UXT: variants seen among roughly 807,000 people sequenced by gnomAD.
UXT encodes ubiquitously expressed prefoldin like chaperone.
For synonymous variants in UXT, 54 were observed against 52.8 expected, an observed-to-expected ratio of 1.02 and a Z score of -0.10; for missense variants, 111 against 132.7, an observed-to-expected ratio of 0.84 and a Z score of 0.80.
intron 4 of UXT, chrX:47,654,124 G>C (rs1198201365): frequency 4.0e-6 from 3 of 743,011 alleles, no homozygotes; most frequent in Non-Finnish European, 3.2e-6. Flanking sequence ...GTTTATTACT[G>C]CTGATTTATT....
rs1427817157 is a variant in UXT, at chrX:47,657,400, AT to A, written c.285-111del. 3.7e-6 allele frequency: 3 copies of A among 817,523 alleles called. No homozygotes were observed. In the Admixed American group the frequency reaches 8.9e-5, roughly 24 times the overall value. The allele number at this position is 817,523 out of a possible 1,213,427, so 67.4% of individuals were successfully genotyped here. A position where few individuals can be genotyped will look rare whatever the true frequency, so the allele number is the denominator to read the frequency against. On this transcript the variant is annotated intron_variant, in intron 3 of 5. Transcript: ENST00000335890. ...AAATTGAGGCTCTGGGAAGGCAGGG[AT>A]TTTGTCCTATTTTATTCACTGTCAC...
In UXT at chrX:47,658,872, C is replaced by T. The variant is rs750539582; in HGVS notation, c.92G>A (p.Arg31His). The stretch of plus-strand genomic sequence containing the variant: ...CACGTCACTGATGAAGGTCTCGTAG[C>T]GCAGCACTTTCTCCCCCGTGGCCTC... The change falls in exon 1 of 6, where the codon CGC becomes CAC. Residue 31 changes from arginine (R) to histidine (H), a missense_variant. Arg to His is a conservative substitution (Grantham distance 29). Transcript: ENST00000335890. The T allele has an allele frequency of 6.8e-6, 8 of 1,168,069 alleles. No homozygotes were observed. In the East Asian group the frequency reaches 2.4e-4, roughly 35 times the overall value.
chrX:47,652,182 A>T, intron 4 of UXT, 38 bp from the exon 6 acceptor site: 1 of 1,126,829 alleles, frequency 8.9e-7, no homozygotes, highest in Non-Finnish European at 1.2e-6. Flanking sequence ...AATGGGCCCC[A>T]CATGATTATG....
At chrX:47,657,011 G>T in intron 4 of UXT, 172 bp downstream of exon 5, 1 of 432,314 alleles carries the variant, frequency 2.3e-6, no homozygotes, top group Non-Finnish European at 4.0e-6. Flanking sequence ...ATCATTTTTT[G>T]AGTGCTTATT....
At chrX:47,656,450 G>A (rs1300684663) in intron 4 of UXT, among the ~76,000 whole-genome samples, 1 of 112,114 alleles carries the variant, frequency 8.9e-6, no homozygotes, top group Non-Finnish European at 1.9e-5. Context: ...TCTAATTGGA[G>A]GAGACAACAT....
In UXT at chrX:47,659,121, C is replaced by T. The variant is rs1193531612; in HGVS notation, c.-158G>A. 12 of 820,867 alleles carry T rather than the reference C, an allele frequency of 1.5e-5. No individual in the cohort carries two copies. The South Asian group carries it at 2.6e-4, about 18-fold the overall frequency. The allele number at this position is 820,867 out of a possible 1,213,427, so 67.6% of individuals were successfully genotyped here. Reference sequence around the variant, plus strand: ...ACCCAAGCGCGGCCTTTACCTCAGGCCGCCAGCAATAAGAACGGTTGGTAG... The same window carrying T: ...ACCCAAGCGCGGCCTTTACCTCAGGTCGCCAGCAATAAGAACGGTTGGTAG... On this transcript the variant is annotated 5_prime_UTR_variant, in exon 1 of 6. Coordinates refer to ENST00000335890, the MANE Select transcript of UXT (RefSeq NM_153477.3).
At chrX:47,656,953 C>A (rs1013405789) in intron 4 of UXT, among the ~76,000 whole-genome samples, 2 of 112,147 alleles carry the variant, frequency 1.8e-5, no homozygotes. Flanking sequence ...CAGTGCCTGG[C>A]ATACAGAAGA....
At chrX:47,656,994 T>C (rs2058085655) in intron 4 of UXT, 189 bp downstream of exon 5, 4 of 429,820 alleles carry the variant, frequency 9.3e-6, no homozygotes, top group African/African-American at 2.5e-5. Flanking sequence ...GAATGAACAA[T>C]ACAAAGATCA....
chrX:47,653,836 C>T (rs749276033), intron 4 of UXT, among the ~76,000 whole-genome samples: 2 of 111,746 alleles, frequency 1.8e-5, no homozygotes, highest in South Asian at 7.4e-4. Flanking sequence ...TAAAAGGAAC[C>T]TGAGGTTGGC....
chrX:47,651,983 T>G, intron 5 of UXT, 88 bp from the exon 7 acceptor site: 1 of 1,176,714 alleles, frequency 8.5e-7, no homozygotes, highest in African/African-American at 1.7e-5. Context: ...TTGACTCCAG[T>G]TTAGAGGGAA....
intron 2 of UXT, 29 bp from the exon 4 acceptor site, chrX:47,657,668 G>T: frequency 8.3e-7 from 1 of 1,199,065 alleles, no homozygotes; most frequent in Non-Finnish European, 1.1e-6. Context: ...AGAGGTAGGG[G>T]TCAGTGGTGA....
chrX:47,655,771 A>T (rs1312073205), intron 4 of UXT, among the ~76,000 whole-genome samples: 1 of 111,400 alleles, frequency 9.0e-6, no homozygotes, highest in African/African-American at 3.3e-5. Context: ...TTCCTCTGGG[A>T]GGCCTTCCCT....
intron 4 of UXT, 36 bp from the exon 6 acceptor site, chrX:47,652,180 C>T (rs2058069587): frequency 8.8e-7 from 1 of 1,134,913 alleles, no homozygotes; most frequent in East Asian, 3.1e-5. Context: ...AAAATGGGCC[C>T]CACATGATTA....
At chrX:47,657,746 T>C in intron 2 of UXT, 36 bp downstream of exon 3, 1 of 1,188,864 alleles carries the variant, frequency 8.4e-7, no homozygotes, top group Non-Finnish European at 1.1e-6. Context: ...TGCCCACACA[T>C]ACCAAAAAAA....
intron 4 of UXT, among the ~76,000 whole-genome samples, chrX:47,653,447 C>A (rs186918376): frequency 9.0e-6 from 1 of 111,334 alleles, no homozygotes; most frequent in East Asian, 2.8e-4. Context: ...AAATTCCTGA[C>A]CTTCCCCTCC....
intron 4 of UXT, among the ~76,000 whole-genome samples, chrX:47,654,599 C>T (rs999898432): frequency 1.3e-4 from 14 of 111,505 alleles, no homozygotes; most frequent in African/African-American, 4.6e-4. Context: ...GAGATTTCAT[C>T]CCTTCCACTT....
Position 47,651,863 on chromosome X carries a change from G to A in UXT, c.489C>T (p.Phe163=). 2 of 1,211,730 alleles carry A rather than the reference G, an allele frequency of 1.7e-6. No individual in the cohort carries two copies. The highest frequency in any genetic ancestry group is 2.2e-6 in the Non-Finnish European group (2 of 895,357). The change falls in exon 6 of 6, where the codon TTC becomes TTT. Residue 163 remains phenylalanine, a synonymous_variant. Coordinates refer to ENST00000335890, the MANE Select transcript of UXT (RefSeq NM_153477.3). ...GAAGTCAATGGTGAGGCTTCTCTGG[G>A]AAATTCTGCAGGCCTTGTAGTTCTC...
intron 4 of UXT, 154 bp downstream of exon 5, chrX:47,657,029 A>G (rs761008512): frequency 4.3e-6 from 2 of 461,729 alleles, no homozygotes; most frequent in Non-Finnish European, 7.5e-6. Context: ...ATTATGTGCT[A>G]CACATGGGCT....
intron 1 of UXT, among the ~76,000 whole-genome samples, chrX:47,658,364 T>G (rs944990939): frequency 8.9e-6 from 1 of 111,830 alleles, no homozygotes; most frequent in African/African-American, 3.3e-5. Flanking sequence ...GCAATAATAT[T>G]TCTTCATACT....
Sources: gnomAD v4.1 joint callset for allele counts (sites outside exome capture counted in the v4.1 genomes callset) on GRCh38, gnomAD v4.1.1 for gene constraint, MANE v1.5 for transcripts, NCBI Gene and HGNC (gene_info 2026-07-23, HGNC 2026-07-21) for gene names.